The following RNF20 variants were observed in gnomAD, a reference collection of about 807,000 sequenced individuals.
RNF20 encodes the protein E3 ubiquitin-protein ligase BRE1A.
In RNF20, 84 loss-of-function variants were observed where a neutral mutation model predicts 126.2. The observed-to-expected ratio is 0.67, with a 90% CI of 0.56 to 0.80. RNF20 has a LOEUF of 0.80. Among genes scored for constraint, RNF20 ranks in the 30% least tolerant of loss-of-function variants. The pLI is 0.00. For missense variants in RNF20, 869 were observed against 1,188.2 expected, an observed-to-expected ratio of 0.73 and a Z score of 3.95; for synonymous variants, 400 against 414.3, an observed-to-expected ratio of 0.97 and a Z score of 0.42.
intron 15 of RNF20, among the ~76,000 whole-genome samples, chr9:101,556,376 T>G (rs978790276): frequency 3.3e-5 from 5 of 152,082 alleles, no homozygotes; most frequent in African/African-American, 1.2e-4. Flanking sequence ...AATAGAAACT[T>G]GAGAAGTAGT....
chr9:101,552,101 T>C, intron 11 of RNF20, 40 bp from the exon 12 acceptor site: 1 of 1,613,908 alleles, frequency 6.2e-7, no homozygotes, highest in South Asian at 1.1e-5. Context: ...CCTTTGCCCT[T>C]ACCACGGTTC....
intron 16 of RNF20, among the ~76,000 whole-genome samples, chr9:101,559,292 G>A (rs138755321): frequency 0.017 from 2,545 of 152,150 alleles, 51 homozygotes; most frequent in Non-Finnish European, 0.022. Context: ...CTGTTTTTGT[G>A]ACTATGGCTT....
chr9:101,541,128 G>A (rs1362366551), intron 5 of RNF20, among the ~76,000 whole-genome samples, 153 bp downstream of exon 5: 1 of 152,044 alleles, frequency 6.6e-6, no homozygotes, highest in African/African-American at 2.4e-5. Flanking sequence ...ACCCAGGCTG[G>A]AACACAGTGG....
In RNF20 at chr9:101,550,729, C is replaced by T. The variant is rs761917281; in HGVS notation, c.1216C>T (p.Arg406Trp). Residue 406 changes from arginine (R) to tryptophan (W), a missense_variant, in exon 10 of 20, where the codon CGG (arginine) becomes TGG (tryptophan). Physicochemically the swap from Arg to Trp is moderately radical, Grantham distance 101. Transcript: ENST00000389120. Reference sequence around the variant, plus strand: ...GTTGAAAGCACACTTGGATGAGGCTCGGACCCTGCTTCATGGCACCAGAGG... The same window carrying T: ...GTTGAAAGCACACTTGGATGAGGCTTGGACCCTGCTTCATGGCACCAGAGG... ...LQLKAHLDEA[R>W]TLLHGTRGTH... The T allele has an allele frequency of 5.6e-6, 9 of 1,614,004 alleles. No individual in the cohort carries two copies. Among genetic ancestry groups the T allele is most frequent in the East Asian group, 2.2e-5 (1 of 44,900 alleles).
intron 2 of RNF20, among the ~76,000 whole-genome samples, chr9:101,537,500 G>T (rs981070862): frequency 1.3e-5 from 2 of 151,922 alleles, no homozygotes; most frequent in Admixed American, 6.6e-5. Context: ...ACTAGAGAGA[G>T]GTCTGGGCTA....
chr9:101,556,538 A>G (rs1327151144), intron 15 of RNF20, among the ~76,000 whole-genome samples: 1 of 152,202 alleles, frequency 6.6e-6, no homozygotes, highest in East Asian at 1.9e-4. Context: ...ATGATTTCCA[A>G]ATGGATCATA....
In RNF20 at chr9:101,546,918, A is replaced by T; in HGVS notation, c.846A>T (p.Arg282=). 2 of 1,614,144 alleles carry T rather than the reference A, an allele frequency of 1.2e-6. No homozygotes were observed. The highest frequency in any genetic ancestry group is 1.7e-6 in the Non-Finnish European group (2 of 1,180,018). ...DDLQWDIDKI[R]KREQRLNRHL... Reference sequence around the variant, plus strand: ...TGCAGTGGGATATTGACAAAATTCGAAAGAGGGAACAGCGACTCAACCGAC... The same window carrying T: ...TGCAGTGGGATATTGACAAAATTCGTAAGAGGGAACAGCGACTCAACCGAC... Residue 282 remains arginine, a synonymous_variant, in exon 7 of 20, where the codon CGA becomes CGT. Coordinates refer to ENST00000389120, the MANE Select transcript of RNF20 (RefSeq NM_019592.7).
At chr9:101,555,566 G>A (rs1405623928) in intron 15 of RNF20, among the ~76,000 whole-genome samples, 1 of 152,028 alleles carries the variant, frequency 6.6e-6, no homozygotes, top group Non-Finnish European at 1.5e-5. Context: ...CAAAATAACA[G>A]TGAGATGGAG....
intron 19 of RNF20, 96 bp from the exon 20 acceptor site, chr9:101,562,150 G>A: frequency 7.2e-7 from 1 of 1,379,406 alleles, no homozygotes; most frequent in Non-Finnish European, 1.0e-6. Context: ...TTTTTTTAGT[G>A]CCTTGTGGGT....
intron 2 of RNF20, among the ~76,000 whole-genome samples, chr9:101,537,994 G>GACTTATATATATAAATTCCATATAT (rs1397394431): frequency 6.6e-6 from 1 of 152,150 alleles, no homozygotes; most frequent in Non-Finnish European, 1.5e-5. Flanking sequence ...ACTATATAAT[G>GACTTATATATATAAATTCCATATAT]ACTGATCATG....
chr9:101,538,469 G>A (rs111636597), intron 2 of RNF20, among the ~76,000 whole-genome samples: 5 of 152,156 alleles, frequency 3.3e-5, no homozygotes, highest in African/African-American at 7.2e-5. Context: ...GAGGTAGGAG[G>A]TTTTAGGGAG....
rs557816359 is a variant in RNF20, at chr9:101,560,861, A to C, written c.2443A>C (p.Asn815His). Residue 815 changes from asparagine (N) to histidine (H), a missense_variant, in exon 17 of 20, where the codon AAC (asparagine) becomes CAC (histidine). Coordinates refer to ENST00000389120, the MANE Select transcript of RNF20 (RefSeq NM_019592.7). ...AGAGAAGGAGCATCTGTTACAGAGCAACATTGGCACAGGGGAGAAAGAGCT... is the reference window on the plus strand; with the variant it reads ...AGAGAAGGAGCATCTGTTACAGAGCCACATTGGCACAGGGGAGAAAGAGCT... The part of the protein sequence containing the change: ...LEEKEHLLQS[N>H]IGTGEKELGL... 3.7e-6 allele frequency: 6 copies of C among 1,613,614 alleles called. No homozygotes were observed. The highest frequency in any genetic ancestry group is 2.7e-5 in the African/African-American group (2 of 74,908).
intron 9 of RNF20, among the ~76,000 whole-genome samples, chr9:101,549,209 T>C (rs1827402507): frequency 6.6e-6 from 1 of 152,232 alleles, no homozygotes; most frequent in Non-Finnish European, 1.5e-5. Context: ...CTGATATTTA[T>C]TGGATACAAG....
rs764144283 is a variant in RNF20, at chr9:101,552,590, C to T, written c.1738C>T (p.Arg580Ter). The T allele has an allele frequency of 1.3e-5, 21 of 1,584,072 alleles. No individual in the cohort carries two copies. Among genetic ancestry groups the T allele is most frequent in the African/African-American group, 2.7e-5 (2 of 73,892 alleles). Reference sequence around the variant, plus strand: ...AGAAAGGAGGGAGAAGGAGAGGGAACGAGAAAGAGAACGGGAGAAGGAGAA... The same window carrying T: ...AGAAAGGAGGGAGAAGGAGAGGGAATGAGAAAGAGAACGGGAGAAGGAGAA... ...ERERREKEREREREREKEKER... is the reference protein window; with the variant it reads ...ERERREKERE Residue 580 changes from arginine (R) to a stop codon, truncating the protein, a stop_gained, in exon 13 of 20, where the codon CGA (arginine) becomes TGA (stop). Transcript: ENST00000389120. LOFTEE classifies it high-confidence loss of function.
chr9:101,552,398 GGTAGT>G lies in RNF20; in HGVS notation c.1548_1552del (p.Ser517ProfsTer7). On this transcript the variant is annotated frameshift_variant, in exon 13 of 20. Transcript: ENST00000389120. LOFTEE classifies it high-confidence loss of function. ...ATTCTCCCAGACACGCCTGCGTAGT[GGTAGT>G]GCCCTCCTGCAGTCCCAGTCTAGTA... 6.2e-7 allele frequency: 1 copy of G among 1,605,294 alleles called. No homozygotes were observed. Among genetic ancestry groups the G allele is most frequent in the Non-Finnish European group, 8.5e-7 (1 of 1,173,984 alleles).
intron 13 of RNF20, 127 bp downstream of exon 13, chr9:101,552,880 G>A: frequency 9.7e-7 from 1 of 1,035,536 alleles, no homozygotes; most frequent in Non-Finnish European, 1.4e-6. Context: ...CAATTAATTT[G>A]GTTTCAAGTC....
At chr9:101,534,188 G>T (rs1827148333) in intron 1 of RNF20, 1 of 152,064 alleles carries the variant, frequency 6.6e-6, no homozygotes. Flanking sequence ...TCCTCTCCTG[G>T]AGCTTGAATT....
Position 101,562,501 on chromosome 9 carries a change from T to G in RNF20, c.*79T>G. 2.2e-6 allele frequency: 3 copies of G among 1,375,894 alleles called. No homozygotes were observed. Among genetic ancestry groups the G allele is most frequent in the Non-Finnish European group, 3.0e-6 (3 of 1,010,672 alleles). The allele number at this position is 1,375,894 out of a possible 1,614,324, so 85.2% of individuals were successfully genotyped here. ...ACCAAACCTCTACCTCTTCTCTCCTTGACTGTCACCTGTAGGACAGTTTAT... is the reference window on the plus strand; with the variant it reads ...ACCAAACCTCTACCTCTTCTCTCCTGGACTGTCACCTGTAGGACAGTTTAT... On this transcript the variant is annotated 3_prime_UTR_variant, in exon 20 of 20. Coordinates refer to ENST00000389120, the MANE Select transcript of RNF20 (RefSeq NM_019592.7).
At chr9:101,555,789 T>TAA (rs770343625) in intron 15 of RNF20, among the ~76,000 whole-genome samples, 1 of 133,558 alleles carries the variant, frequency 7.5e-6, no homozygotes, top group African/African-American at 2.7e-5. Flanking sequence ...CCATCACTAT[T>TAA]AAAAAAAAAA....
Sources: gnomAD v4.1 joint callset for allele counts (sites outside exome capture counted in the v4.1 genomes callset) on GRCh38, gnomAD v4.1.1 for gene constraint, MANE v1.5 for transcripts, NCBI Gene and HGNC (gene_info 2026-07-23, HGNC 2026-07-21) for gene names.